The following ELK4 variants were observed in gnomAD, a reference collection of about 807,000 sequenced individuals.
ELK4 encodes ETS domain-containing protein Elk-4.
A neutral mutation model predicts 29.6 loss-of-function variants in ELK4; 16 were observed. The observed-to-expected ratio is 0.54, with a 90% CI of 0.37 to 0.82. ELK4 has a LOEUF of 0.82. ELK4 is among the 40% of genes least tolerant of loss of function. ELK4 has a pLI of 0.00. For missense variants in ELK4, 465 were observed against 507.1 expected (o/e 0.92, Z 0.80); for synonymous variants, 213 against 191.1 (o/e 1.11, Z -0.95).
chr1:205,627,642 AACAAC>A (rs1670492810), intron 1 of ELK4, among the ~76,000 whole-genome samples: 1 of 152,244 alleles, frequency 6.6e-6, no homozygotes, highest in African/African-American at 2.4e-5. Context: ...TTTTAAAACA[AACAAC>A]ACAACAAACA....
chr1:205,614,365 A>G lies in ELK4; in HGVS notation c.*2181T>C. 4.4e-6 allele frequency: 1 copy of G among 225,674 alleles called. No homozygotes were observed. The highest frequency in any genetic ancestry group is 8.8e-6 in the Non-Finnish European group (1 of 113,402). The allele number at this position is 225,674 out of a possible 1,614,324, so 14.0% of individuals were successfully genotyped here. On this transcript the variant is annotated 3_prime_UTR_variant, in exon 5 of 5. Coordinates refer to ENST00000357992, the MANE Select transcript of ELK4 (RefSeq NM_001973.4). Reference sequence around the variant, plus strand: ...ACACATCTAGTTAAATCAACCATCTATATCTACTTATTTAATGTACAAAAT... The same window carrying G: ...ACACATCTAGTTAAATCAACCATCTGTATCTACTTATTTAATGTACAAAAT...
intron 4 of ELK4, 139 bp from the exon 5 acceptor site, chr1:205,616,783 G>A: frequency 1.6e-6 from 1 of 613,398 alleles, no homozygotes; most frequent in Non-Finnish European, 2.8e-6. Context: ...TGTTTATCAT[G>A]AAAGAATATG....
At chr1:205,625,806 G>C (rs962699857) in intron 1 of ELK4, 95 of 616,398 alleles carry the variant, frequency 1.5e-4, no homozygotes, top group Non-Finnish European at 2.0e-5. Flanking sequence ...AGCCTCCCGA[G>C]TAGCTGGGAT....
At chr1:205,630,219 G>C (rs1378600788) in intron 1 of ELK4, among the ~76,000 whole-genome samples, 1 of 152,124 alleles carries the variant, frequency 6.6e-6, no homozygotes, top group African/African-American at 2.4e-5. Flanking sequence ...TGGTCCAAAT[G>C]AAGGTATTTG....
Position 205,622,573 on chromosome 1 carries a change from G to A in ELK4, c.207+1103C>T, listed in dbSNP as rs542194468. Among the ~76,000 whole-genome samples, 7 of 152,156 alleles carry A rather than the reference G, an allele frequency of 4.6e-5. No individual in the cohort carries two copies. The South Asian group carries it at 6.2e-4, about 14-fold the overall frequency. On this transcript the variant is annotated intron_variant, in intron 2 of 4. Coordinates refer to ENST00000357992, the MANE Select transcript of ELK4 (RefSeq NM_001973.4). ...GCGCCACACTGTTTTTTGTAGAGAC[G>A]GGGTCTCCCTGTGTTGCCCAGTCTG... is the stretch of plus-strand genomic sequence containing the variant.
chr1:205,619,314 T>C, intron 3 of ELK4: 2 of 1,051,132 alleles, frequency 1.9e-6, no homozygotes, highest in Non-Finnish European at 1.2e-6. Flanking sequence ...GGGGTACAAG[T>C]GGTTTTTGGT....
intron 1 of ELK4, among the ~76,000 whole-genome samples, chr1:205,627,495 C>T (rs974522473): frequency 4.7e-5 from 7 of 149,880 alleles, no homozygotes; most frequent in African/African-American, 7.4e-5. Context: ...GGTGACAGAG[C>T]GAGACTCCGC....
At position 205,608,788 on chromosome 1, in the gene ELK4, T is replaced by G. The variant is rs1670110487; in HGVS notation, c.*7758A>C. On this transcript the variant is annotated 3_prime_UTR_variant, in exon 5 of 5. Transcript: ENST00000357992. ...ATAAAACAAGGGAAAAAATAAGCAA[T>G]GAAGTAACTGTCTTCTCAGTTGAGC... 5.1e-6 allele frequency: 1 copy of G among 195,032 alleles called. No homozygotes were observed. The highest frequency in any genetic ancestry group is 1.1e-5 in the Non-Finnish European group (1 of 93,820). 12.1% of individuals were successfully genotyped at this position (195,032 alleles called of 1,614,324 possible). A position where few individuals can be genotyped will look rare whatever the true frequency, so the allele number is the denominator to read the frequency against.
Position 205,623,744 on chromosome 1 carries a change from T to A in ELK4, c.139A>T (p.Ile47Phe), listed in dbSNP as rs754513807. ...QAEEVARLWG[I>F]RKNKPNMNYD... is the part of the protein sequence containing the mutation. ...TTCATGTTAGGCTTGTTCTTGCGAA[T>A]CCCCCAGAGACGAGCCACCTCTTCT... The change falls in exon 2 of 5, where the codon ATT becomes TTT. Residue 47 changes from isoleucine (I) to phenylalanine (F), a missense_variant. Transcript: ENST00000357992. 8 of 1,613,972 alleles carry A rather than the reference T, an allele frequency of 5.0e-6. No individual in the cohort carries two copies. The highest frequency in any genetic ancestry group is 6.8e-6 in the Non-Finnish European group (8 of 1,180,018).
rs1398832851 is a variant in ELK4 at position 205,614,983 on chromosome 1, T to A, written c.*1563A>T. 4.7e-6 allele frequency: 1 copy of A among 210,736 alleles called. No homozygotes were observed. The highest frequency in any genetic ancestry group is 1.9e-4 in the South Asian group (1 of 5,328). The allele number at this position is 210,736 out of a possible 1,614,324, so 13.1% of individuals were successfully genotyped here. A position where few individuals can be genotyped will look rare whatever the true frequency, so the allele number is the denominator to read the frequency against. On this transcript the variant is annotated 3_prime_UTR_variant, in exon 5 of 5. Coordinates refer to ENST00000357992, the MANE Select transcript of ELK4 (RefSeq NM_001973.4). The stretch of plus-strand genomic sequence containing the variant: ...AATCTGTACCTGGCATTGATTACCA[T>A]ATAGTAATATTTTAAAAATTTGGTA...
At chr1:205,629,475 C>T (rs1037619276) in intron 1 of ELK4, among the ~76,000 whole-genome samples, 1 of 152,150 alleles carries the variant, frequency 6.6e-6, no homozygotes, top group Non-Finnish European at 1.5e-5. Context: ...CCTACCATCC[C>T]AGCACTTTGG....
At chr1:205,616,813 A>C (rs1417189626) in intron 4 of ELK4, among the ~76,000 whole-genome samples, 169 bp from the exon 5 acceptor site, 1 of 152,208 alleles carries the variant, frequency 6.6e-6, no homozygotes. Context: ...CAAAAACTAG[A>C]AACAAAAATC....
In ELK4 at chr1:205,614,576, T is replaced by C; in HGVS notation, c.*1970A>G. The C allele has an allele frequency of 4.4e-6, 1 of 228,418 alleles. No individual in the cohort carries two copies. The highest frequency in any genetic ancestry group is 8.7e-6 in the Non-Finnish European group (1 of 115,082). The allele number at this position is 228,418 out of a possible 1,614,324, so 14.1% of individuals were successfully genotyped here. A position where few individuals can be genotyped will look rare whatever the true frequency, so the allele number is the denominator to read the frequency against. ...AGAACCTTCAACTGATAACCACAAA[T>C]GAACCAGTAACAAGTCTCCGACACT... On this transcript the variant is annotated 3_prime_UTR_variant, in exon 5 of 5. Transcript: ENST00000357992.
Position 205,610,077 on chromosome 1 carries a change from C to T in ELK4, c.*6469G>A. 1 of 232,076 alleles carries T rather than the reference C, an allele frequency of 4.3e-6. No homozygotes were observed. The allele number at this position is 232,076 out of a possible 1,614,324, so 14.4% of individuals were successfully genotyped here. On this transcript the variant is annotated 3_prime_UTR_variant, in exon 5 of 5. Coordinates refer to ENST00000357992, the MANE Select transcript of ELK4 (RefSeq NM_001973.4). ...CCAAGAAAGTGCCAAGTGATTAACA[C>T]CAATATATGGCATTCCCACCCCTGA...
At chr1:205,625,804 G>A (rs1374184241) in intron 1 of ELK4, 3 of 611,238 alleles carry the variant, frequency 4.9e-6, no homozygotes, top group African/African-American at 1.9e-5. Context: ...TCAGCCTCCC[G>A]AGTAGCTGGG....
rs943618393 is a variant in ELK4 at position 205,614,244 on chromosome 1, A to T, written c.*2302T>A. 1.8e-5 allele frequency: 4 copies of T among 220,300 alleles called. No homozygotes were observed. Among genetic ancestry groups the T allele is most frequent in the Admixed American group, 1.2e-4 (2 of 17,310 alleles). 13.6% of individuals were successfully genotyped at this position (220,300 alleles called of 1,614,324 possible). ...GGTTCCAAGGTACCTCTGTGCTGAG[A>T]CAGTTAATTATTAAAAATACTGTCT... On this transcript the variant is annotated 3_prime_UTR_variant, in exon 5 of 5. Transcript: ENST00000357992.
chr1:205,630,740 A>T (rs1187376856), intron 1 of ELK4, among the ~76,000 whole-genome samples: 1 of 152,244 alleles, frequency 6.6e-6, no homozygotes, highest in Non-Finnish European at 1.5e-5. Context: ...ATCAAAGAGA[A>T]GAGTGTTCCT....
intron 1 of ELK4, among the ~76,000 whole-genome samples, chr1:205,628,294 C>T (rs907623876): frequency 1.3e-5 from 2 of 152,168 alleles, no homozygotes; most frequent in Non-Finnish European, 2.9e-5. Flanking sequence ...GGCAAGTTAC[C>T]GTTCTACTAC....
chr1:205,619,690 G>C, intron 3 of ELK4: 1 of 1,421,366 alleles, frequency 7.0e-7, no homozygotes, highest in Non-Finnish European at 9.1e-7. Flanking sequence ...GAGAGAGCGA[G>C]AGAGTGTGTG....
Sources: allele counts gnomAD v4.1 joint callset (sites outside exome capture counted in the v4.1 genomes callset), GRCh38; gene constraint gnomAD v4.1.1; transcripts MANE v1.5; gene names NCBI Gene and HGNC (gene_info 2026-07-23, HGNC 2026-07-21).